RPUSD4: variants seen among roughly 807,000 people sequenced by gnomAD.
RPUSD4 encodes the protein RNA pseudouridine synthase D4.
A neutral mutation model predicts 35.4 loss-of-function variants in RPUSD4; 37 were observed. That is an observed-to-expected ratio of 1.04 (90% CI 0.80 to 1.37). The LOEUF is 1.37. Among genes scored for constraint, RPUSD4 ranks in the 40% most tolerant of loss-of-function variants. The pLI is 0.00. For synonymous variants in RPUSD4, 210 were observed against 192.7 expected (o/e 1.09, Z -0.74); for missense variants, 507 against 484.9 (o/e 1.05, Z -0.43).
rs147166099 is a variant in RPUSD4 at position 126,203,922 on chromosome 11, C to T, written c.895-265G>A. 1.0e-3 allele frequency among the ~76,000 whole-genome samples: 156 copies of T among 152,166 alleles called. 1 individual carries two copies. The highest frequency in any genetic ancestry group is 3.6e-3 in the African/African-American group (151 of 41,506). ...GTGGTATAAGGATGAAAAGGCTTTC[C>T]CTGCGGTTTTTTAGTAGCACCATGA... is the stretch of plus-strand genomic sequence containing the variant. On this transcript the variant is annotated intron_variant, in intron 6 of 6. Coordinates refer to ENST00000298317, the MANE Select transcript of RPUSD4 (RefSeq NM_032795.3).
chr11:126,203,106 T>C lies in RPUSD4; in HGVS notation c.*312A>G. 1 of 263,596 alleles carries C rather than the reference T, an allele frequency of 3.8e-6. No individual in the cohort carries two copies. The highest frequency in any genetic ancestry group is 7.3e-6 in the Non-Finnish European group (1 of 137,742). 16.3% of individuals were successfully genotyped at this position (263,596 alleles called of 1,614,324 possible). On this transcript the variant is annotated 3_prime_UTR_variant, in exon 7 of 7. Coordinates refer to ENST00000298317, the MANE Select transcript of RPUSD4 (RefSeq NM_032795.3). ...CCTTTAGTTTTCCTTTTCCAGTCAC[T>C]GCCCCAGTCTGCCTGGCCCTGGGCT...
chr11:126,211,455 C>G lies in RPUSD4; in HGVS notation c.184G>C (p.Glu62Gln). Residue 62 changes from glutamate (E) to glutamine (Q), a missense_variant, in exon 1 of 7, where the codon GAG (glutamate) becomes CAG (glutamine). By Grantham distance (29) the Glu-to-Gln change is conservative. Coordinates refer to ENST00000298317, the MANE Select transcript of RPUSD4 (RefSeq NM_032795.3). ...AQKREQDTKK[E>Q]PVSTNAVQRR... is the part of the protein sequence containing the mutation. ...TCTGGTCCCTTTGGACTCACCGGCT[C>G]CTTCTTTGTGTCTTGTTCCCGTTTC... 6.2e-7 allele frequency: 1 copy of G among 1,612,396 alleles called. No individual in the cohort carries two copies.
chr11:126,211,109 G>T, intron 1 of RPUSD4, 54 bp from the exon 2 acceptor site: 1 of 1,590,880 alleles, frequency 6.3e-7, no homozygotes. Context: ...CCGTGGAGAA[G>T]ACCTTCCATA....
rs531992017 is a variant in RPUSD4 at position 126,211,635 on chromosome 11, C to T, written c.4G>A (p.Ala2Thr). Residue 2 changes from alanine to threonine, a missense_variant, in exon 1 of 7, where the codon GCG becomes ACG. By Grantham distance (58) the Ala-to-Thr change is moderately conservative. Coordinates refer to ENST00000298317, the MANE Select transcript of RPUSD4 (RefSeq NM_032795.3). ...CCCGACGCGCTCCACCTGGGCGCCG[C>T]CATCTTACAAGGAAGGGCGGGGCGA... Reference protein sequence around the residue: MAAPRWSASGPW... With the variant: MTAPRWSASGPW... 5 of 1,612,262 alleles carry T rather than the reference C, an allele frequency of 3.1e-6. No individual in the cohort carries two copies. Among genetic ancestry groups the T allele is most frequent in the Middle Eastern group, 1.7e-4 (1 of 6,022 alleles).
Position 126,203,326 on chromosome 11 carries a change from G to A in RPUSD4, c.*92C>T, listed in dbSNP as rs944719600. On this transcript the variant is annotated 3_prime_UTR_variant, in exon 7 of 7. Coordinates refer to ENST00000298317, the MANE Select transcript of RPUSD4 (RefSeq NM_032795.3). ...AAGTTAGCAGAGTCCTGTAAACAAA[G>A]AACAGTTCAGGGGCCAACCTGCGCT... The A allele has an allele frequency of 6.5e-7, 1 of 1,542,280 alleles. No individual in the cohort carries two copies. The highest frequency in any genetic ancestry group is 8.7e-7 in the Non-Finnish European group (1 of 1,143,776).
chr11:126,205,819 C>A, intron 3 of RPUSD4, 38 bp from the exon 4 acceptor site: 1 of 1,502,246 alleles, frequency 6.7e-7, no homozygotes, highest in South Asian at 1.3e-5. Context: ...GCCAACCAAG[C>A]CAGAGAAGAA....
Position 126,205,496 on chromosome 11 carries a change from G to T in RPUSD4, c.768C>A (p.Ser256=). The change falls in exon 5 of 7, where the codon TCC becomes TCA. Residue 256 remains serine (S), a synonymous_variant. Transcript: ENST00000298317. ...TGATGGGCTGGAGCTCCACGAGGGC[G>T]GAGGAGAGAGTGCTGCTGAGCACCT... ...QYQVLSSTLS[S]ALVELQPITG... 6.2e-7 allele frequency: 1 copy of T among 1,614,270 alleles called. No homozygotes were observed. The highest frequency in any genetic ancestry group is 1.3e-5 in the African/African-American group (1 of 75,070).
In RPUSD4 at chr11:126,203,376, G is replaced by T. The variant is rs1219199251; in HGVS notation, c.*42C>A. 2.5e-6 allele frequency: 4 copies of T among 1,596,618 alleles called. No individual in the cohort carries two copies. The Admixed American group carries it at 5.0e-5, about 20-fold the overall frequency. ...TCCCAGGTGCCAGGATGCTCTCAGG[G>T]TCTTCACTGTGCTCCCAGGTGCCAG... On this transcript the variant is annotated 3_prime_UTR_variant, in exon 7 of 7. Transcript: ENST00000298317.
In RPUSD4 at chr11:126,203,748, A is replaced by G. The variant is rs957190839; in HGVS notation, c.895-91T>C. On this transcript the variant is annotated intron_variant, in intron 6 of 6. Transcript: ENST00000298317. ...GTCAGGGCACTTCTACTTACAGGGA[A>G]CCAAAACTAACCCCCTGGAAGACAC... 15 of 1,460,348 alleles carry G rather than the reference A, an allele frequency of 1.0e-5. No individual in the cohort carries two copies. In the African/African-American group the frequency reaches 2.1e-4, roughly 21 times the overall value. 90.5% of individuals were successfully genotyped at this position (1,460,348 alleles called of 1,614,324 possible). A position where few individuals can be genotyped will look rare whatever the true frequency, so the allele number is the denominator to read the frequency against.
At position 126,211,255 on chromosome 11, in the gene RPUSD4, G is replaced by A. The variant is rs530633214; in HGVS notation, c.189+195C>T. The stretch of plus-strand genomic sequence containing the variant: ...GCAGTGGTTAGGACTGAGCCTGACA[G>A]TAGCCAAAGATCCAGCTCACGGGAA... On this transcript the variant is annotated intron_variant, in intron 1 of 6. Transcript: ENST00000298317. 1.2e-5 allele frequency: 11 copies of A among 894,446 alleles called. No individual in the cohort carries two copies. The East Asian group carries it at 2.5e-4, about 20-fold the overall frequency. The allele number at this position is 894,446 out of a possible 1,614,324, so 55.4% of individuals were successfully genotyped here. A position where few individuals can be genotyped will look rare whatever the true frequency, so the allele number is the denominator to read the frequency against.
intron 3 of RPUSD4, among the ~76,000 whole-genome samples, chr11:126,207,674 A>G (rs1053897451): frequency 6.6e-6 from 1 of 152,206 alleles, no homozygotes; most frequent in Non-Finnish European, 1.5e-5. Flanking sequence ...ACAGGCTGAA[A>G]CCCCATCTCT....
At chr11:126,204,371 G>A in intron 5 of RPUSD4, 43 bp from the exon 6 acceptor site, 2 of 1,464,892 alleles carry the variant, frequency 1.4e-6, no homozygotes, top group Admixed American at 1.8e-5. Flanking sequence ...CTCGTGAGGA[G>A]CTACAGAAAC....
At chr11:126,208,023 T>C (rs1381235904) in intron 3 of RPUSD4, among the ~76,000 whole-genome samples, 1 of 151,714 alleles carries the variant, frequency 6.6e-6, no homozygotes, top group Admixed American at 6.6e-5. Flanking sequence ...ATAGAAAATA[T>C]CTTTTTTTTT....
rs745637271 is a variant in RPUSD4 at position 126,211,578 on chromosome 11, C to T, written c.61G>A (p.Gly21Arg). 1.2e-6 allele frequency: 2 copies of T among 1,614,068 alleles called. No individual in the cohort carries two copies. The highest frequency in any genetic ancestry group is 1.7e-6 in the Non-Finnish European group (2 of 1,180,050). Reference sequence around the variant, plus strand: ...TTTGAGACGAGAGTGAAGAGACTCCCGCAACCTTGGCCGTTTCCCCGGATC... The same window carrying T: ...TTTGAGACGAGAGTGAAGAGACTCCTGCAACCTTGGCCGTTTCCCCGGATC... ...PWIRGNGQGC[G>R]SLFTLVSKPF... Residue 21 changes from glycine to arginine, a missense_variant, in exon 1 of 7, where the codon GGG (glycine) becomes AGG (arginine). Coordinates refer to ENST00000298317, the MANE Select transcript of RPUSD4 (RefSeq NM_032795.3).
intron 3 of RPUSD4, among the ~76,000 whole-genome samples, chr11:126,208,006 C>T (rs547247126): frequency 6.6e-6 from 1 of 151,412 alleles, no homozygotes; most frequent in East Asian, 1.9e-4. Context: ...CACTGTTATA[C>T]AAGGAAATAG....
intron 2 of RPUSD4, 32 bp from the exon 3 acceptor site, chr11:126,209,754 C>A: frequency 6.3e-7 from 1 of 1,581,728 alleles, no homozygotes; most frequent in South Asian, 1.1e-5. Context: ...GTTTGAGCGG[C>A]CAGGAAAAGA....
At chr11:126,205,400 C>A (rs530123248) in intron 5 of RPUSD4, 68 bp downstream of exon 5, 1 of 1,592,724 alleles carries the variant, frequency 6.3e-7, no homozygotes, top group Admixed American at 1.7e-5. Flanking sequence ...CTGCTCAGAA[C>A]GAGGCCCTGG....
chr11:126,203,325 A>G lies in RPUSD4; in HGVS notation c.*93T>C. ...GAAGTTAGCAGAGTCCTGTAAACAA[A>G]GAACAGTTCAGGGGCCAACCTGCGC... On this transcript the variant is annotated 3_prime_UTR_variant, in exon 7 of 7. Coordinates refer to ENST00000298317, the MANE Select transcript of RPUSD4 (RefSeq NM_032795.3). The G allele has an allele frequency of 1.3e-6, 2 of 1,539,934 alleles. No homozygotes were observed. The highest frequency in any genetic ancestry group is 1.8e-6 in the Non-Finnish European group (2 of 1,142,648).
chr11:126,211,144 G>A (rs1391085302), intron 1 of RPUSD4, 89 bp from the exon 2 acceptor site: 4 of 1,449,754 alleles, frequency 2.8e-6, no homozygotes, highest in Non-Finnish European at 1.9e-6. Context: ...AATCTGAGTA[G>A]GGAATGACTA....
Sources: gnomAD v4.1 joint callset for allele counts (sites outside exome capture counted in the v4.1 genomes callset) on GRCh38, gnomAD v4.1.1 for gene constraint, MANE v1.5 for transcripts, NCBI Gene and HGNC (gene_info 2026-07-23, HGNC 2026-07-21) for gene names.